Variants in TECR observed in about 807,000 individuals in gnomAD.
TECR encodes the protein very-long-chain enoyl-CoA reductase.
In TECR, 19 loss-of-function variants were observed where a neutral mutation model predicts 50.6. The ratio of observed to expected loss-of-function variants is 0.38; its 90% confidence interval spans 0.26 to 0.55. The LOEUF is 0.55. TECR is among the 20% of genes least tolerant of loss of function. TECR has a pLI of 0.79. For synonymous variants in TECR, 168 were observed against 163.5 expected (o/e 1.03, Z -0.21); for missense variants, 313 against 408.3 (o/e 0.77, Z 2.01).
At chr19:14,553,410 C>T (rs1480575022) in intron 1 of TECR, among the ~76,000 whole-genome samples, 1 of 152,154 alleles carries the variant, frequency 6.6e-6, no homozygotes, top group East Asian at 1.9e-4. Flanking sequence ...TTCCTCCCCA[C>T]CCTGGGTGAC....
chr19:14,564,978 C>T lies in TECR; in HGVS notation c.592C>T (p.Leu198Phe). ...CGGAGCTCAGCAGGTGAAACTGGCG[C>T]TCGCCATCTTTGTGGTAAGGAGGCT... ...TYGAQQVKLA[L>F]AIFVICQLGN... Residue 198 changes from leucine (L) to phenylalanine (F), a missense_variant, in exon 9 of 13, where the codon CTC becomes TTC. By Grantham distance (22) the Leu-to-Phe change is conservative. Transcript: ENST00000215567. 6.2e-7 allele frequency: 1 copy of T among 1,614,044 alleles called. No homozygotes were observed. Among genetic ancestry groups the T allele is most frequent in the Non-Finnish European group, 8.5e-7 (1 of 1,180,026 alleles).
At chr19:14,560,342 G>A (rs1247874283) in intron 1 of TECR, among the ~76,000 whole-genome samples, 1 of 152,160 alleles carries the variant, frequency 6.6e-6, no homozygotes, top group Non-Finnish European at 1.5e-5. Flanking sequence ...CCCTGTGGAC[G>A]CTAGGCTGCC....
chr19:14,547,882 G>T (rs533518996), intron 1 of TECR, among the ~76,000 whole-genome samples: 1 of 151,462 alleles, frequency 6.6e-6, no homozygotes, highest in East Asian at 1.9e-4. Context: ...GGTTGGTCTT[G>T]GGTCTTGGGT....
intron 1 of TECR, 91 bp downstream of exon 1, chr19:14,529,802 G>GT: frequency 1.3e-6 from 2 of 1,584,128 alleles, no homozygotes; most frequent in Non-Finnish European, 1.7e-6. Flanking sequence ...TTCTGGTCCT[G>GT]TGCCCCGAAG....
chr19:14,532,831 C>T (rs144681782), intron 1 of TECR, among the ~76,000 whole-genome samples: 70 of 152,238 alleles, frequency 4.6e-4, no homozygotes, highest in East Asian at 4.1e-3. Context: ...TATTTCTGGC[C>T]GGGCGAGGTG....
chr19:14,538,304 G>C (rs1265696056), intron 1 of TECR, among the ~76,000 whole-genome samples: 1 of 152,096 alleles, frequency 6.6e-6, no homozygotes, highest in Admixed American at 6.6e-5. Flanking sequence ...TTGGGACAGT[G>C]ACTTAACCTA....
intron 1 of TECR, chr19:14,531,596 A>G (rs2072666252): frequency 6.6e-6 from 1 of 151,804 alleles, no homozygotes; most frequent in African/African-American, 2.4e-5. Context: ...CTAATTTTGT[A>G]TTTTTAGTAG....
At chr19:14,555,438 CTTTTT>C (rs747503834) in intron 1 of TECR, among the ~76,000 whole-genome samples, 9 of 92,900 alleles carry the variant, frequency 9.7e-5, no homozygotes, top group African/African-American at 2.7e-4. Context: ...TTTATTTATT[CTTTTT>C]TTTTTTTTTT....
chr19:14,565,325 C>G, intron 11 of TECR, 35 bp downstream of exon 11: 2 of 1,610,462 alleles, frequency 1.2e-6, no homozygotes, highest in East Asian at 2.2e-5. Context: ...TGCCCTGGGA[C>G]TTGGGGTCCC....
chr19:14,539,161 TTTTTTTG>T, intron 1 of TECR, among the ~76,000 whole-genome samples: 1 of 141,348 alleles, frequency 7.1e-6, no homozygotes, highest in African/African-American at 2.7e-5. Flanking sequence ...TTTTTTTTTT[TTTTTTTG>T]TATTTTTAGT....
At chr19:14,561,082 T>A (rs556317629) in intron 1 of TECR, among the ~76,000 whole-genome samples, 2 of 152,180 alleles carry the variant, frequency 1.3e-5, no homozygotes, top group East Asian at 3.9e-4. Context: ...CCCGCTGTCG[T>A]TGGGAATGTG....
At chr19:14,564,691 C>T (rs545774666) in intron 7 of TECR, 95 bp from the exon 8 acceptor site, 13 of 1,390,274 alleles carry the variant, frequency 9.4e-6, no homozygotes, top group Non-Finnish European at 1.3e-5. Flanking sequence ...CTGTCCTTTC[C>T]CACCATGCTC....
intron 1 of TECR, among the ~76,000 whole-genome samples, chr19:14,547,732 C>G (rs1308172249): frequency 6.7e-6 from 1 of 149,378 alleles, no homozygotes; most frequent in African/African-American, 2.5e-5. Flanking sequence ...TATTATAGTT[C>G]ACTGCAGCTT....
At chr19:14,560,589 C>T (rs2073874390) in intron 1 of TECR, among the ~76,000 whole-genome samples, 1 of 152,228 alleles carries the variant, frequency 6.6e-6, no homozygotes, top group African/African-American at 2.4e-5. Flanking sequence ...CCTCCATGTG[C>T]CAGCTCTTTG....
chr19:14,529,811 A>G lies in TECR; in HGVS notation c.15+100A>G, dbSNP rs888137067. 3.2e-6 allele frequency: 5 copies of G among 1,561,970 alleles called. No individual in the cohort carries two copies. In the South Asian group the frequency reaches 3.4e-5, roughly 11 times the overall value. ...CCCACTTTCTGGTCCTGTGCCCCGA[A>G]GGAAGAGCCAGACGGCGCAGGCGCA... On this transcript the variant is annotated intron_variant, in intron 1 of 12. Coordinates refer to ENST00000215567, the MANE Select transcript of TECR (RefSeq NM_138501.6).
At chr19:14,558,623 C>T (rs867165584) in intron 1 of TECR, among the ~76,000 whole-genome samples, 1 of 152,172 alleles carries the variant, frequency 6.6e-6, no homozygotes, top group Admixed American at 6.5e-5. Flanking sequence ...CCTGTCTGCC[C>T]GTTCCTGCCC....
chr19:14,529,850 G>T, intron 1 of TECR, 139 bp downstream of exon 1: 1 of 1,174,962 alleles, frequency 8.5e-7, no homozygotes. Flanking sequence ...GGCAAGCGTT[G>T]CGCCCCGGGC....
chr19:14,562,358 G>A (rs1342088425), intron 1 of TECR, 167 bp from the exon 2 acceptor site: 2 of 737,570 alleles, frequency 2.7e-6, no homozygotes, highest in Middle Eastern at 2.5e-4. Context: ...GCTGGCCACC[G>A]TGGGCAGAGC....
At chr19:14,553,282 G>A (rs117082507) in intron 1 of TECR, among the ~76,000 whole-genome samples, 66 of 152,262 alleles carry the variant, frequency 4.3e-4, no homozygotes, top group Non-Finnish European at 7.3e-4. Context: ...CCTCGGATCC[G>A]AGAGCCCAGA....
Sources: allele counts gnomAD v4.1 joint callset (sites outside exome capture counted in the v4.1 genomes callset), GRCh38; gene constraint gnomAD v4.1.1; transcripts MANE v1.5; gene names NCBI Gene and HGNC (gene_info 2026-07-23, HGNC 2026-07-21).